Variants in NCAPH2 observed in about 807,000 individuals in gnomAD.
NCAPH2 encodes non-SMC condensin II complex subunit H2, also known as condensin-2 complex subunit H2.
A neutral mutation model predicts 88.6 loss-of-function variants in NCAPH2; 56 were observed. That is an observed-to-expected ratio of 0.63 (90% CI 0.51 to 0.79). NCAPH2 has a LOEUF of 0.79. NCAPH2 is among the 30% of genes least tolerant of loss of function. The probability of loss-of-function intolerance (pLI) is 0.00; values close to 1 mark genes in which losing one functional copy is unlikely to be tolerated. For missense variants in NCAPH2, 794 were observed against 792.0 expected (o/e 1.00, Z -0.03); for synonymous variants, 378 against 313.6 (o/e 1.21, Z -2.17).
At chr22:50,517,144 A>G (rs1288341534) in intron 2 of NCAPH2, among the ~76,000 whole-genome samples, 1 of 152,216 alleles carries the variant, frequency 6.6e-6, no homozygotes, top group African/African-American at 2.4e-5. Flanking sequence ...ACACTGTGGG[A>G]ACCACAGTGC....
chr22:50,510,878 AC>A (rs1011602283), intron 1 of NCAPH2, among the ~76,000 whole-genome samples: 4 of 147,194 alleles, frequency 2.7e-5, no homozygotes, highest in Non-Finnish European at 4.5e-5. Flanking sequence ...ATGGAGTCTT[AC>A]TCTGTCGCCC....
chr22:50,510,461 T>C (rs2068753504), intron 1 of NCAPH2, among the ~76,000 whole-genome samples: 1 of 152,124 alleles, frequency 6.6e-6, no homozygotes, highest in Non-Finnish European at 1.5e-5. Flanking sequence ...GGAGTCTTGC[T>C]CTGTTGCCCG....
chr22:50,508,259 G>C lies in NCAPH2; in HGVS notation c.-79G>C. On this transcript the variant is annotated 5_prime_UTR_variant, in exon 1 of 20. Transcript: ENST00000420993. ...GGGCGGGAACAGCAAAATGGCGCCA[G>C]AACTAGTGGCGGGCTGAGGACGCCG... 1 of 1,094,850 alleles carries C rather than the reference G, an allele frequency of 9.1e-7. No homozygotes were observed. Among genetic ancestry groups the C allele is most frequent in the Non-Finnish European group, 1.3e-6 (1 of 790,994 alleles). The allele number at this position is 1,094,850 out of a possible 1,614,324, so 67.8% of individuals were successfully genotyped here.
At chr22:50,521,381 C>A (rs904544674) in intron 10 of NCAPH2, among the ~76,000 whole-genome samples, 162 bp from the exon 11 acceptor site, 2 of 126,926 alleles carry the variant, frequency 1.6e-5, no homozygotes, top group Admixed American at 1.5e-4. Flanking sequence ...CCCTACTCCT[C>A]CTTTGGGAGG....
intron 1 of NCAPH2, among the ~76,000 whole-genome samples, chr22:50,514,895 T>C (rs962735797): frequency 3.3e-5 from 5 of 152,254 alleles, no homozygotes; most frequent in Admixed American, 6.5e-5. Flanking sequence ...GCACGCGCCA[T>C]GCTTTGGCCA....
At chr22:50,519,936 T>C (rs1280003359) in intron 9 of NCAPH2, among the ~76,000 whole-genome samples, 3 of 152,196 alleles carry the variant, frequency 2.0e-5, no homozygotes, top group Non-Finnish European at 4.4e-5. Context: ...AGTGGTGCGA[T>C]CTTGGCTCAC....
chr22:50,511,497 T>A (rs2068781902), intron 1 of NCAPH2, among the ~76,000 whole-genome samples: 1 of 142,370 alleles, frequency 7.0e-6, no homozygotes, highest in South Asian at 2.1e-4. Context: ...TTCACCGTGT[T>A]AGCCAGGATG....
At chr22:50,515,898 T>A in intron 1 of NCAPH2, 1 of 827,202 alleles carries the variant, frequency 1.2e-6, no homozygotes, top group Non-Finnish European at 1.7e-6. Flanking sequence ...TGGCTTATGG[T>A]TGGCAGCTTG....
rs992456072 is a variant in NCAPH2, at chr22:50,524,315, G to C, written c.*940G>C. 6.2e-7 allele frequency: 1 copy of C among 1,601,978 alleles called. No individual in the cohort carries two copies. Among genetic ancestry groups the C allele is most frequent in the Non-Finnish European group, 8.5e-7 (1 of 1,179,852 alleles). ...TGCCTTGACAAAAGCCAGGACCTCA[G>C]ATGCAGGGCCTGGCCTCCCAGGGTC... is the stretch of plus-strand genomic sequence containing the variant. On this transcript the variant is annotated 3_prime_UTR_variant, in exon 20 of 20. Transcript: ENST00000420993.
At position 50,523,270 on chromosome 22, in the gene NCAPH2, C is replaced by T. The variant is rs769783983; in HGVS notation, c.1713C>T (p.Pro571=). 5.4e-5 allele frequency: 87 copies of T among 1,610,488 alleles called. No homozygotes were observed. In the South Asian group the frequency reaches 5.9e-4, roughly 11 times the overall value. Residue 571 remains proline, a synonymous_variant, in exon 20 of 20, where the codon CCC becomes CCT. Transcript: ENST00000420993. ...ACACAGTGGAGATAACCCAGCAGCC[C>T]GGGCTGGAGATGGCCGTGGACACCA... The part of the protein sequence containing the change: ...NDYTVEITQQ[P]GLEMAVDTMS...
At chr22:50,511,087 C>A (rs1348251409) in intron 1 of NCAPH2, among the ~76,000 whole-genome samples, 1 of 151,104 alleles carries the variant, frequency 6.6e-6, no homozygotes, top group Non-Finnish European at 1.5e-5. Context: ...ACCTGGTGAT[C>A]CGCCCGTGTC....
chr22:50,517,008 A>G (rs2068942915), intron 2 of NCAPH2, among the ~76,000 whole-genome samples: 1 of 152,186 alleles, frequency 6.6e-6, no homozygotes, highest in African/African-American at 2.4e-5. Flanking sequence ...CAGGGCCAGG[A>G]CAGGAGGAGG....
At position 50,523,123 on chromosome 22, in the gene NCAPH2, C is replaced by A; in HGVS notation, c.1634C>A (p.Pro545Gln). 5 of 1,613,502 alleles carry A rather than the reference C, an allele frequency of 3.1e-6. No homozygotes were observed. The highest frequency in any genetic ancestry group is 4.2e-6 in the Non-Finnish European group (5 of 1,179,800). The stretch of plus-strand genomic sequence containing the variant: ...TTTGCGGAGCTGGTGGCTGGCCAGC[C>A]GGCCTTCGAGGTGTGTCGTTCCATG... ...CPFAELVAGQ[P>Q]AFEVCRSMLA... The change falls in exon 19 of 20, where the codon CCG (proline) becomes CAG (glutamine). Residue 545 changes from proline to glutamine, a missense_variant. By Grantham distance (76) the Pro-to-Gln change is moderately conservative. This residue lies in a region of NCAPH2 where 735 missense variants were observed against 696.3 expected (regional missense o/e 1.06). Transcript: ENST00000420993.
intron 11 of NCAPH2, 45 bp from the exon 12 acceptor site, chr22:50,521,696 C>A (rs145612205): frequency 6.2e-7 from 1 of 1,612,294 alleles, no homozygotes; most frequent in Non-Finnish European, 8.5e-7. Flanking sequence ...GGGCTTTGCA[C>A]CCTGATCCCC....
At position 50,522,717 on chromosome 22, in the gene NCAPH2, T is replaced by G; in HGVS notation, c.1422T>G (p.Asn474Lys). The change falls in exon 17 of 20, where the codon AAT becomes AAG. Residue 474 changes from asparagine to lysine, a missense_variant. Physicochemically the swap from Asn to Lys is moderately conservative, Grantham distance 94. This residue lies in a region of NCAPH2 where 735 missense variants were observed against 696.3 expected (regional missense o/e 1.06). Transcript: ENST00000420993. ...SLSYEELVRR[N>K]VELFIATSQK... ...GCTACGAGGAGCTGGTTCGAAGGAA[T>G]GTGGTAGGCCTGGGTTAGAGGGAGA... 6.2e-7 allele frequency: 1 copy of G among 1,613,178 alleles called. No individual in the cohort carries two copies. Among genetic ancestry groups the G allele is most frequent in the Non-Finnish European group, 8.5e-7 (1 of 1,179,888 alleles).
chr22:50,520,725 A>G (rs1001040813), intron 9 of NCAPH2: 1 of 468,424 alleles, frequency 2.1e-6, no homozygotes, highest in Non-Finnish European at 3.8e-6. Flanking sequence ...CACCCGGCTA[A>G]TTTTTTTTGC....
At chr22:50,518,861 G>A in intron 8 of NCAPH2, 129 bp downstream of exon 8, 2 of 965,706 alleles carry the variant, frequency 2.1e-6, no homozygotes, top group Non-Finnish European at 3.0e-6. Context: ...TGTGGCCCAT[G>A]GGAGTGAGGC....
chr22:50,524,077 C>T lies in NCAPH2; in HGVS notation c.*702C>T, dbSNP rs376068063. The stretch of plus-strand genomic sequence containing the variant: ...CCGGAAGTCAGCCTTGCAGCGAGCC[C>T]GGCCTCTGTGATCCAGCAGGTGGAA... On this transcript the variant is annotated 3_prime_UTR_variant, in exon 20 of 20. Transcript: ENST00000420993. 36 of 1,613,126 alleles carry T rather than the reference C, an allele frequency of 2.2e-5. No individual in the cohort carries two copies. The highest frequency in any genetic ancestry group is 3.3e-4 in the Middle Eastern group (2 of 6,078).
chr22:50,521,816 T>G lies in NCAPH2; in HGVS notation c.1076T>G (p.Leu359Arg). Residue 359 changes from leucine to arginine, a missense_variant, in exon 12 of 20, where the codon CTG becomes CGG. Leu to Arg is a moderately radical substitution (Grantham distance 102). Around this residue, in one of 2 missense-constraint regions of NCAPH2, gnomAD observed 735 missense variants for 696.3 expected, o/e 1.06. Transcript: ENST00000420993. ...QKRKRKGAAK[L>R]QDFHQWYLAA... ...CGCAAGAGGAAGGGCGCTGCCAAGC[T>G]GCAGGACTTCCACCAGTGGTACCTG... is the stretch of plus-strand genomic sequence containing the variant. 1 of 1,613,950 alleles carries G rather than the reference T, an allele frequency of 6.2e-7. No individual in the cohort carries two copies. Among genetic ancestry groups the G allele is most frequent in the East Asian group, 2.2e-5 (1 of 44,892 alleles).
Sources: gnomAD v4.1 joint callset for allele counts (sites outside exome capture counted in the v4.1 genomes callset) on GRCh38, gnomAD v4.1.1 for gene constraint, gnomAD v4.1.1 regional missense constraint, MANE v1.5 for transcripts, NCBI Gene and HGNC (gene_info 2026-07-23, HGNC 2026-07-21) for gene names.